The following PDE4D variants were observed in gnomAD, a reference collection of about 807,000 sequenced individuals.
The protein encoded by PDE4D is 3',5'-cyclic-AMP phosphodiesterase 4D.
Under a neutral mutation model 87.4 loss-of-function variants are expected in PDE4D, and 24 were observed. The ratio of observed to expected loss-of-function variants is 0.27; its 90% CI spans 0.20 to 0.39. PDE4D has a LOEUF of 0.39. Among genes scored for constraint, PDE4D ranks in the 10% least tolerant of loss-of-function variants. The pLI is 1.00. For synonymous variants in PDE4D, 384 were observed against 383.2 expected, an observed-to-expected ratio of 1.00 and a Z score of -0.02; for missense variants, 714 against 1,041.0, an observed-to-expected ratio of 0.69 and a Z score of 4.32.
intron 1 of PDE4D, among the ~76,000 whole-genome samples, chr5:59,542,937 T>C (rs985133644): frequency 2.6e-5 from 4 of 152,086 alleles, no homozygotes; most frequent in Non-Finnish European, 5.9e-5. Flanking sequence ...AAAACAGTAA[T>C]GTGGTCAGTC....
At chr5:59,023,173 T>G (rs1452103516) in intron 6 of PDE4D, among the ~76,000 whole-genome samples, 2 of 136,290 alleles carry the variant, frequency 1.5e-5, no homozygotes, top group Non-Finnish European at 3.1e-5. Context: ...AGACTCTAAC[T>G]CAAGGAAAAA....
chr5:59,932,918 TATCTGTCATCCCCAGG>T (rs1756131620), intron 3 of PDE4D, among the ~76,000 whole-genome samples: 1 of 152,062 alleles, frequency 6.6e-6, no homozygotes, highest in Non-Finnish European at 1.5e-5. Context: ...TTTTGCCACC[TATCTGTCATCCCCAGG>T]GAGCAGCTAA....
rs776284276 is a variant in PDE4D, at chr5:59,463,301, A to C, written c.456-247333T>G. ...CCTTATACTTTGGTTATAAATCTTT[A>C]CTGATTATAGTAACCACTGTTTCAG... On this transcript the variant is annotated intron_variant, in intron 1 of 14. Coordinates refer to ENST00000340635, the MANE Select transcript of PDE4D (RefSeq NM_001104631.2). 6.6e-5 allele frequency among the ~76,000 whole-genome samples: 10 copies of C among 152,226 alleles called. No homozygotes were observed. The South Asian group carries it at 1.4e-3, about 22-fold the overall frequency.
chr5:59,299,348 A>G (rs255635), intron 1 of PDE4D, among the ~76,000 whole-genome samples: 14,644 of 152,182 alleles, frequency 0.096, 1,809 homozygotes, highest in East Asian at 0.45. Context: ...CCAGAACCCA[A>G]CAATGGGGAC....
intron 1 of PDE4D, among the ~76,000 whole-genome samples, chr5:60,214,816 A>C (rs760144146): frequency 6.6e-6 from 1 of 152,198 alleles, no homozygotes; most frequent in Non-Finnish European, 1.5e-5. Flanking sequence ...TAAAGTGTTC[A>C]AGGAAGAAAG....
intron 2 of PDE4D, among the ~76,000 whole-genome samples, chr5:60,177,172 C>A (rs1783986656): frequency 6.6e-6 from 1 of 152,060 alleles, no homozygotes. Flanking sequence ...GAGGAAGAAA[C>A]AACACTGTCC....
chr5:60,005,195 C>T (rs192079523), intron 2 of PDE4D, among the ~76,000 whole-genome samples: 34 of 152,140 alleles, frequency 2.2e-4, no homozygotes, highest in Non-Finnish European at 4.1e-4. Context: ...CTGAAATAAA[C>T]CAGACACAGA....
At chr5:59,390,127 G>T (rs935047795) in intron 1 of PDE4D, among the ~76,000 whole-genome samples, 2 of 151,890 alleles carry the variant, frequency 1.3e-5, no homozygotes, top group Non-Finnish European at 2.9e-5. Context: ...TAATTATTAT[G>T]CATCAATACA....
chr5:59,574,154 T>TATTTA (rs1822698905), intron 1 of PDE4D, among the ~76,000 whole-genome samples: 6 of 88,946 alleles, frequency 6.7e-5, no homozygotes, highest in African/African-American at 3.1e-4. Context: ...AAATATATAT[T>TATTTA]TATATATATA....
intron 1 of PDE4D, among the ~76,000 whole-genome samples, chr5:60,409,408 C>A (rs1444143347): frequency 3.3e-5 from 5 of 151,976 alleles, no homozygotes; most frequent in Non-Finnish European, 7.4e-5. Flanking sequence ...AGAGGCGGAG[C>A]AATTACGTGT....
intron 2 of PDE4D, among the ~76,000 whole-genome samples, chr5:60,073,658 G>T (rs559871503): frequency 1.3e-5 from 2 of 151,880 alleles, no homozygotes; most frequent in African/African-American, 4.8e-5. Flanking sequence ...GACTTCTTTT[G>T]TTTGGTAGGC....
intron 1 of PDE4D, among the ~76,000 whole-genome samples, chr5:59,366,965 C>G (rs944239660): frequency 6.6e-6 from 1 of 152,190 alleles, no homozygotes; most frequent in African/African-American, 2.4e-5. Context: ...TTACTGAACA[C>G]TCAGCCCATG....
rs570783072 is a variant in PDE4D, at chr5:60,468,137, C to CTTTTTTTTTT, written c.-90+19795_-90+19804dup. Among the ~76,000 whole-genome samples, 85 of 141,230 alleles carry CTTTTTTTTTT rather than the reference C, an allele frequency of 6.0e-4. 1 individual carries two copies. Among genetic ancestry groups the CTTTTTTTTTT allele is most frequent in the Middle Eastern group, 3.7e-3 (1 of 270 alleles). 92.7% of individuals were successfully genotyped at this position (141,230 alleles called of 152,430 possible). A position where few individuals can be genotyped will look rare whatever the true frequency, so the allele number is the denominator to read the frequency against. ...CACATCCTAACTTTCTTTCTTTTTT[C>CTTTTTTTTTT]TTTTTTTTTTGTTTTTTTTGAGACA... On this transcript the variant is annotated intron_variant, in intron 1 of 16. Transcript: ENST00000502484.
chr5:59,375,304 G>A (rs909509273), intron 1 of PDE4D, among the ~76,000 whole-genome samples: 4 of 152,000 alleles, frequency 2.6e-5, no homozygotes, highest in African/African-American at 4.8e-5. Flanking sequence ...GATTAATAAA[G>A]AAGAAAAGAG....
intron 1 of PDE4D, among the ~76,000 whole-genome samples, chr5:60,399,117 C>T (rs1763096467): frequency 6.6e-6 from 1 of 152,186 alleles, no homozygotes; most frequent in East Asian, 1.9e-4. Context: ...CTGATCCATT[C>T]TAGGCCTATT....
At chr5:60,065,896 C>T (rs1324073522) in intron 2 of PDE4D, among the ~76,000 whole-genome samples, 2 of 152,138 alleles carry the variant, frequency 1.3e-5, no homozygotes, top group African/African-American at 4.8e-5. Flanking sequence ...TATAAACATA[C>T]GTGTGCGTGT....
At chr5:59,149,512 A>G (rs1033613614) in intron 5 of PDE4D, among the ~76,000 whole-genome samples, 6 of 152,138 alleles carry the variant, frequency 3.9e-5, no homozygotes, top group African/African-American at 1.4e-4. Flanking sequence ...GATTTCAGGC[A>G]CAAGTTACAG....
chr5:59,179,719 G>A (rs1286801370), intron 5 of PDE4D: 1 of 411,054 alleles, frequency 2.4e-6, no homozygotes, highest in Non-Finnish European at 4.7e-6. Flanking sequence ...ATGGGTTGGA[G>A]CTCAAGGAAG....
chr5:59,186,580 A>AT (rs973320051), intron 3 of PDE4D, among the ~76,000 whole-genome samples: 3 of 151,988 alleles, frequency 2.0e-5, no homozygotes, highest in Non-Finnish European at 4.4e-5. Flanking sequence ...AATCAGTCTA[A>AT]TTTTTTTTCT....
Sources: allele counts gnomAD v4.1 joint callset (sites outside exome capture counted in the v4.1 genomes callset), GRCh38; gene constraint gnomAD v4.1.1; transcripts MANE v1.5; gene names NCBI Gene and HGNC (gene_info 2026-07-23, HGNC 2026-07-21).